The following NEGR1 variants were observed in gnomAD, a reference collection of about 807,000 sequenced individuals.
The protein encoded by NEGR1 is IgLON family member 4.
NEGR1 carries 10 observed loss-of-function variants against 40.9 expected under a neutral mutation model. That is an observed-to-expected ratio of 0.24 (90% CI 0.15 to 0.42). The LOEUF is 0.42. Among genes scored for constraint, NEGR1 ranks in the 10% least tolerant of loss-of-function variants. The pLI, the probability that NEGR1 is intolerant of heterozygous loss-of-function variation, is 1.00. For synonymous variants in NEGR1, 185 were observed against 166.8 expected (o/e 1.11, Z -0.84); for missense variants, 352 against 438.9 (o/e 0.80, Z 1.77).
intron 6 of NEGR1, among the ~76,000 whole-genome samples, chr1:71,545,069 G>T (rs985597824): frequency 6.6e-6 from 1 of 151,594 alleles, no homozygotes; most frequent in Admixed American, 6.6e-5. Flanking sequence ...TATATGCTGA[G>T]TGCTATGTTA....
chr1:71,396,602 A>ATTG lies in NEGR1; in HGVS notation c.*10841_*10843dup, dbSNP rs1646213164. The ATTG allele has an allele frequency of 6.6e-6, 1 of 152,194 alleles. No individual in the cohort carries two copies. The highest frequency in any genetic ancestry group is 1.5e-5 in the Non-Finnish European group (1 of 68,040). 9.4% of individuals were successfully genotyped at this position (152,194 alleles called of 1,614,324 possible). ...CAAATCTCATTTTGAATTCCCACAT[A>ATTG]TTGTGAGAGGGACTTGGTGGGAGGT... On this transcript the variant is annotated 3_prime_UTR_variant, in exon 7 of 7. Coordinates refer to ENST00000357731, the MANE Select transcript of NEGR1 (RefSeq NM_173808.3).
chr1:71,865,612 A>T (rs1660088854), intron 2 of NEGR1, among the ~76,000 whole-genome samples: 1 of 152,068 alleles, frequency 6.6e-6, no homozygotes, highest in Admixed American at 6.6e-5. Context: ...GGTGTGGAGG[A>T]CTAGGGGAGG....
At position 71,898,540 on chromosome 1, in the gene NEGR1, G is replaced by A. The variant is rs1306497395; in HGVS notation, c.409+36539C>T. Among the ~76,000 whole-genome samples the A allele has an allele frequency of 4.6e-5, 7 of 152,204 alleles. No individual in the cohort carries two copies. The East Asian group carries it at 1.2e-3, about 25-fold the overall frequency. ...TGAGGCAGGAGAATGGCGTGAACCC[G>A]GGAGCCAGAGCTTGCAGTGAGCCGA... On this transcript the variant is annotated intron_variant, in intron 2 of 6. Coordinates refer to ENST00000357731, the MANE Select transcript of NEGR1 (RefSeq NM_173808.3).
At chr1:71,867,366 C>T (rs1660147621) in intron 2 of NEGR1, among the ~76,000 whole-genome samples, 1 of 152,188 alleles carries the variant, frequency 6.6e-6, no homozygotes, top group Admixed American at 6.5e-5. Context: ...AAGAGTGAGA[C>T]TCCGTCGAGG....
intron 1 of NEGR1, among the ~76,000 whole-genome samples, chr1:72,254,511 A>T (rs1655200984): frequency 6.6e-6 from 1 of 151,878 alleles, no homozygotes; most frequent in Admixed American, 6.6e-5. Flanking sequence ...GACCATCCTG[A>T]CTAACACGAT....
chr1:71,437,473 T>C (rs1384052651), intron 6 of NEGR1, among the ~76,000 whole-genome samples: 6 of 152,038 alleles, frequency 3.9e-5, no homozygotes, highest in Non-Finnish European at 5.9e-5. Context: ...AACTAATGGA[T>C]GAAGTCTTAC....
At position 71,999,674 on chromosome 1, in the gene NEGR1, TATATAC is replaced by T. The variant is rs1336827004; in HGVS notation, c.177-64369_177-64364del. ...ATATATATATATATATATATATATA[TATATAC>T]ATACATATTTTTGTCCGGTCTCGGA... On this transcript the variant is annotated intron_variant, in intron 1 of 6. Coordinates refer to ENST00000357731, the MANE Select transcript of NEGR1 (RefSeq NM_173808.3). 7.0e-4 allele frequency among the ~76,000 whole-genome samples: 37 copies of T among 52,564 alleles called. 2 individuals are homozygous for T. The highest frequency in any genetic ancestry group is 1.7e-3 in the African/African-American group (27 of 16,078). The allele number at this position is 52,564 out of a possible 152,430, so 34.5% of individuals were successfully genotyped here. A position where few individuals can be genotyped will look rare whatever the true frequency, so the allele number is the denominator to read the frequency against.
At chr1:71,683,636 T>C (rs1249303678) in intron 4 of NEGR1, among the ~76,000 whole-genome samples, 1 of 152,054 alleles carries the variant, frequency 6.6e-6, no homozygotes, top group East Asian at 1.9e-4. Flanking sequence ...TAGCATTCTT[T>C]CATTTTTTCA....
chr1:71,885,655 C>A (rs1660703835), intron 2 of NEGR1, among the ~76,000 whole-genome samples: 1 of 152,062 alleles, frequency 6.6e-6, no homozygotes, highest in Non-Finnish European at 1.5e-5. Context: ...ATTGATTAAT[C>A]ACATTGAACA....
At chr1:71,625,433 T>C (rs1650742399) in intron 4 of NEGR1, among the ~76,000 whole-genome samples, 1 of 151,978 alleles carries the variant, frequency 6.6e-6, no homozygotes, top group South Asian at 2.1e-4. Context: ...CAATACAGTG[T>C]AACAGCTATT....
chr1:71,619,883 C>G (rs575249787), intron 4 of NEGR1, among the ~76,000 whole-genome samples: 1 of 152,078 alleles, frequency 6.6e-6, no homozygotes, highest in Non-Finnish European at 1.5e-5. Context: ...CAAGCCTAAT[C>G]AAGATTCATT....
chr1:71,437,905 T>TA (rs1441812246), intron 6 of NEGR1, among the ~76,000 whole-genome samples: 8 of 152,194 alleles, frequency 5.3e-5, no homozygotes, highest in Admixed American at 1.3e-4. Flanking sequence ...CTATATTAAA[T>TA]ATGCACTTCA....
At chr1:72,087,746 C>G (rs1250484608) in intron 1 of NEGR1, among the ~76,000 whole-genome samples, 1 of 136,632 alleles carries the variant, frequency 7.3e-6, no homozygotes, top group Non-Finnish European at 1.6e-5. Flanking sequence ...GTGTGTGCCA[C>G]TGTGCTTTTT....
In NEGR1 at chr1:71,401,341, A is replaced by C. The variant is rs969582892; in HGVS notation, c.*6105T>G. 3.3e-5 allele frequency: 5 copies of C among 152,142 alleles called. No individual in the cohort carries two copies. Among genetic ancestry groups the C allele is most frequent in the African/African-American group, 1.2e-4 (5 of 41,438 alleles). The allele number at this position is 152,142 out of a possible 1,614,324, so 9.4% of individuals were successfully genotyped here. A position where few individuals can be genotyped will look rare whatever the true frequency, so the allele number is the denominator to read the frequency against. ...CAAGGTTTTTGATCTATAAATGTGT[A>C]TGTTCTTTAAATTATCCTTTTATCT... On this transcript the variant is annotated 3_prime_UTR_variant, in exon 7 of 7. Coordinates refer to ENST00000357731, the MANE Select transcript of NEGR1 (RefSeq NM_173808.3).
chr1:71,537,076 A>T (rs1192265085), intron 6 of NEGR1, among the ~76,000 whole-genome samples: 1 of 151,724 alleles, frequency 6.6e-6, no homozygotes, highest in African/African-American at 2.4e-5. Context: ...AATTACATTA[A>T]TTACAATTCT....
chr1:72,159,891 T>C (rs1046209758), intron 1 of NEGR1, among the ~76,000 whole-genome samples: 4 of 152,166 alleles, frequency 2.6e-5, no homozygotes, highest in Non-Finnish European at 5.9e-5. Context: ...ACTATACATA[T>C]TATAAACTGA....
At chr1:71,787,683 A>G (rs1411928110) in intron 2 of NEGR1, among the ~76,000 whole-genome samples, 2 of 152,078 alleles carry the variant, frequency 1.3e-5, no homozygotes, top group Non-Finnish European at 2.9e-5. Flanking sequence ...ATGTTGGACA[A>G]TTTTCTTGAT....
At chr1:72,218,174 A>T (rs917898190) in intron 1 of NEGR1, among the ~76,000 whole-genome samples, 1 of 151,924 alleles carries the variant, frequency 6.6e-6, no homozygotes, top group African/African-American at 2.4e-5. Flanking sequence ...AAATTCCATA[A>T]GTTCACTAGG....
intron 6 of NEGR1, among the ~76,000 whole-genome samples, chr1:71,437,372 A>G (rs143974986): frequency 1.0e-3 from 159 of 152,280 alleles, no homozygotes; most frequent in Non-Finnish European, 1.8e-3. Context: ...TGAATTTACT[A>G]GAAACCATTG....
Sources: gnomAD v4.1 joint callset for allele counts (sites outside exome capture counted in the v4.1 genomes callset) on GRCh38, gnomAD v4.1.1 for gene constraint, MANE v1.5 for transcripts, NCBI Gene and HGNC (gene_info 2026-07-23, HGNC 2026-07-21) for gene names.